The following NAIP variants were observed in gnomAD, a reference collection of about 807,000 sequenced individuals.
The protein encoded by NAIP is baculoviral IAP repeat-containing protein 1.
In NAIP, 15 loss-of-function variants were observed where a neutral mutation model predicts 23.0. The observed-to-expected ratio is 0.65, with a 90% confidence interval of 0.44 to 1.00. NAIP has a LOEUF of 1.00. Among genes scored for constraint, NAIP ranks in the 50% least tolerant of loss-of-function variants. The pLI is 0.00. For missense variants in NAIP, 265 were observed against 278.8 expected (o/e 0.95, Z 0.35); for synonymous variants, 100 against 100.2 (o/e 1.00, Z 0.01).
Position 71,012,366 on chromosome 5 carries a change from C to T in NAIP, c.550G>A (p.Ala184Thr), listed in dbSNP as rs758531306. ...AAGGTACCTGTAAAGACAAAGCCAG[C>T]CTCTGAGAGCACACAAGGGGATATC... ...QGISPCVLSE[A>T]GFVFTGKQDT... Residue 184 changes from alanine to threonine, a missense_variant, in exon 4 of 17, where the codon GCT (alanine) becomes ACT (threonine). By Grantham distance (58) the Ala-to-Thr change is moderately conservative (BLOSUM62 0). Transcript: ENST00000517649. 7 of 1,607,350 alleles carry T rather than the reference C, an allele frequency of 4.4e-6. 1 individual carries two copies. Among genetic ancestry groups the T allele is most frequent in the African/African-American group, 1.3e-5 (1 of 74,608 alleles).
chr5:71,002,377 A>T (rs1333479983), intron 6 of NAIP, among the ~76,000 whole-genome samples: 3 of 41,698 alleles, frequency 7.2e-5, no homozygotes, highest in African/African-American at 1.1e-4. Context: ...TATTTTTAGT[A>T]GAGACAGACA....
chr5:71,015,259 G>T (rs1443621209), intron 3 of NAIP, among the ~76,000 whole-genome samples: 1 of 151,210 alleles, frequency 6.6e-6, no homozygotes, highest in Non-Finnish European at 1.5e-5. Flanking sequence ...CATGCCTGTA[G>T]TCCCAGCTAC....
intron 3 of NAIP, among the ~76,000 whole-genome samples, chr5:71,013,683 C>G (rs1751284860): frequency 6.7e-6 from 1 of 149,570 alleles, no homozygotes. Flanking sequence ...AGGCCAATGA[C>G]TGTTTTTCAA....
intron 4 of NAIP, 87 bp downstream of exon 4, chr5:71,012,261 T>C: frequency 8.0e-7 from 1 of 1,250,374 alleles, no homozygotes; most frequent in East Asian, 2.4e-5. Flanking sequence ...GTGAAGAAAG[T>C]TTAGCAAAAT....
At chr5:71,011,482 C>A in intron 4 of NAIP, 108 bp from the exon 5 acceptor site, 1 of 892,020 alleles carries the variant, frequency 1.1e-6, no homozygotes, top group Non-Finnish European at 1.8e-6. Flanking sequence ...CGTGGCTGTG[C>A]ACTCCCGATC....
intron 5 of NAIP, 77 bp downstream of exon 5, chr5:71,011,198 A>G (rs1751135523): frequency 9.0e-6 from 10 of 1,110,694 alleles, no homozygotes; most frequent in Non-Finnish European, 1.2e-5. Flanking sequence ...ATGCCACTAT[A>G]CTCCAGCCTG....
Position 70,996,792 on chromosome 5 carries a change from CAA to C in NAIP, c.1022+1930_1022+1931del, listed in dbSNP as rs1222506915. Among the ~76,000 whole-genome samples the C allele has an allele frequency of 2.5e-3, 160 of 64,506 alleles. 4 individuals carry two copies. Among genetic ancestry groups the C allele is most frequent in the African/African-American group, 6.9e-3 (153 of 22,258 alleles). The allele number at this position is 64,506 out of a possible 152,430, so 42.3% of individuals were successfully genotyped here. Reference sequence around the variant, plus strand: ...TGGGCGACAAAGTGAGACTCCATCTCAAAAAAAAAAAAAAAAAAAAATTAAGC... The same window carrying C: ...TGGGCGACAAAGTGAGACTCCATCTCAAAAAAAAAAAAAAAAAAATTAAGC... On this transcript the variant is annotated intron_variant, in intron 9 of 16. Coordinates refer to ENST00000517649, the MANE Select transcript of NAIP (RefSeq NM_004536.3).
intron 6 of NAIP, among the ~76,000 whole-genome samples, chr5:71,002,390 A>T (rs1580923969): frequency 8.9e-5 from 3 of 33,890 alleles, no homozygotes; most frequent in African/African-American, 1.4e-4. Context: ...GACAGACACG[A>T]TGTTGGAGGT....
At chr5:71,009,362 C>CAAAAAA (rs555440243) in intron 5 of NAIP, among the ~76,000 whole-genome samples, 1 of 99,658 alleles carries the variant, frequency 1.0e-5, no homozygotes, top group South Asian at 3.1e-4. Flanking sequence ...AACTCACTCT[C>CAAAAAA]AAAAAAAAAA....
rs760712899 is a variant in NAIP, at chr5:71,012,813, C to A, written c.103G>T (p.Ala35Ser). Residue 35 changes from alanine (A) to serine (S), a missense_variant, in exon 4 of 17, where the codon GCA (alanine) becomes TCA (serine). By Grantham distance (99) the Ala-to-Ser change is moderately conservative. Transcript: ENST00000517649. ...ALLGLDAVQL[A>S]KELEEEEQKE... is the part of the protein sequence containing the mutation. ...TGCTCCTCTTCTTCTAGTTCCTTTG[C>A]CAACTGAACTGCATCTAGGCCCAGA... The A allele has an allele frequency of 6.2e-7, 1 of 1,611,934 alleles. No homozygotes were observed. The highest frequency in any genetic ancestry group is 8.5e-7 in the Non-Finnish European group (1 of 1,178,494).
intron 13 of NAIP, among the ~76,000 whole-genome samples, chr5:70,978,144 TATATA>T (rs370581403): frequency 0.18 from 8,191 of 45,566 alleles, 1,431 homozygotes; most frequent in East Asian, 0.38. Context: ...TATATATATA[TATATA>T]TTTTTTTTTT....
At chr5:71,014,321 C>G (rs546376584) in intron 3 of NAIP, among the ~76,000 whole-genome samples, 1 of 151,478 alleles carries the variant, frequency 6.6e-6, no homozygotes, top group South Asian at 2.1e-4. Context: ...TGGTCTCCAA[C>G]TCCTGACCTC....
intron 5 of NAIP, among the ~76,000 whole-genome samples, chr5:71,010,134 G>T (rs1339634615): frequency 6.6e-6 from 1 of 151,492 alleles, no homozygotes; most frequent in Non-Finnish European, 1.5e-5. Context: ...TAGAGACAGG[G>T]TCTCACTCTG....
At position 71,024,917 on chromosome 5, in the gene NAIP, G is replaced by C. The variant is rs1348284331; in HGVS notation, c.-521C>G. Reference sequence around the variant, plus strand: ...CCTCTAATCATGCCTTAGTCTTTCAGGGGATAGCCCCCATCCTGAAGTTGT... The same window carrying C: ...CCTCTAATCATGCCTTAGTCTTTCACGGGATAGCCCCCATCCTGAAGTTGT... On this transcript the variant is annotated 5_prime_UTR_variant, in exon 1 of 17. Coordinates refer to ENST00000517649, the MANE Select transcript of NAIP (RefSeq NM_004536.3). The C allele has an allele frequency of 9.9e-5, 5 of 50,350 alleles. No individual in the cohort carries two copies. Among genetic ancestry groups the C allele is most frequent in the African/African-American group, 3.1e-4 (5 of 15,876 alleles). The allele number at this position is 50,350 out of a possible 1,614,324, so 3.1% of individuals were successfully genotyped here.
At chr5:71,000,629 C>T (rs1377246477) in intron 8 of NAIP, among the ~76,000 whole-genome samples, 14 of 109,356 alleles carry the variant, frequency 1.3e-4, no homozygotes, top group East Asian at 2.7e-4. Flanking sequence ...CTTGACTCCC[C>T]GCAACCTCCA....
In NAIP at chr5:71,012,712, C is replaced by T. The variant is rs1751220195; in HGVS notation, c.204G>A (p.Val68=). Residue 68 remains valine (V), a synonymous_variant, in exon 4 of 17, where the codon GTG becomes GTA. Transcript: ENST00000517649. The part of the protein sequence containing the change: ...RSEAKRLKTF[V]TYEPYSSWIP... ...TCCATGAGCTGTACGGCTCATAAGT[C>T]ACAAAAGTCTTTAACCTTTTTGCTT... 1 of 1,611,614 alleles carries T rather than the reference C, an allele frequency of 6.2e-7. No individual in the cohort carries two copies. Among genetic ancestry groups the T allele is most frequent in the Non-Finnish European group, 8.5e-7 (1 of 1,178,422 alleles).
At chr5:71,011,119 G>C (rs1751132300) in intron 5 of NAIP, among the ~76,000 whole-genome samples, 156 bp downstream of exon 5, 1 of 150,870 alleles carries the variant, frequency 6.6e-6, no homozygotes, top group Admixed American at 6.6e-5. Context: ...TATAATCCCA[G>C]CTACTCAGAA....
intron 3 of NAIP, among the ~76,000 whole-genome samples, chr5:71,015,149 G>T (rs969028128): frequency 6.6e-6 from 1 of 151,556 alleles, no homozygotes; most frequent in South Asian, 2.1e-4. Context: ...GGCCAAGGTG[G>T]GAGGATTGTT....
At chr5:71,010,303 C>G (rs569653926) in intron 5 of NAIP, among the ~76,000 whole-genome samples, 1 of 151,288 alleles carries the variant, frequency 6.6e-6, no homozygotes, top group African/African-American at 2.4e-5. Context: ...GAGTCTCACT[C>G]TGTCGCCCAG....
Sources: allele counts gnomAD v4.1 joint callset (sites outside exome capture counted in the v4.1 genomes callset), GRCh38; gene constraint gnomAD v4.1.1; transcripts MANE v1.5; gene names NCBI Gene and HGNC (gene_info 2026-07-23, HGNC 2026-07-21).